MARCHF1: variants seen among roughly 807,000 people sequenced by gnomAD.
MARCHF1 encodes the protein E3 ubiquitin-protein ligase MARCHF1.
In MARCHF1, 40 loss-of-function variants were observed where a neutral mutation model predicts 54.2. The observed-to-expected ratio is 0.74, with a 90% CI of 0.57 to 0.96. The LOEUF is 0.96. Among genes scored for constraint, MARCHF1 ranks in the 40% least tolerant of loss-of-function variants. MARCHF1 has a pLI of 0.00. For missense variants in MARCHF1, 586 were observed against 656.5 expected (o/e 0.89, Z 1.17); for synonymous variants, 236 against 236.3 (o/e 1.00, Z 0.01).
At chr4:163,547,851 G>A (rs1169872546) in intron 8 of MARCHF1, among the ~76,000 whole-genome samples, 1 of 152,128 alleles carries the variant, frequency 6.6e-6, no homozygotes, top group Non-Finnish European at 1.5e-5. Flanking sequence ...CAATCATCAT[G>A]TAATTTTCCT....
chr4:164,218,751 A>G (rs1306241368), intron 1 of MARCHF1, among the ~76,000 whole-genome samples: 1 of 151,428 alleles, frequency 6.6e-6, no homozygotes, highest in Non-Finnish European at 1.5e-5. Context: ...CTAATGTTAA[A>G]TGACGAGTTA....
At chr4:163,769,928 T>A (rs1036184209) in intron 4 of MARCHF1, among the ~76,000 whole-genome samples, 13 of 152,248 alleles carry the variant, frequency 8.5e-5, no homozygotes, top group African/African-American at 2.9e-4. Flanking sequence ...ACCCCTGAGA[T>A]AGCAAGACTA....
Position 163,823,691 on chromosome 4 carries a change from C to T in MARCHF1, c.111+30330G>A, listed in dbSNP as rs144716017. 5.2e-3 allele frequency among the ~76,000 whole-genome samples: 792 copies of T among 151,780 alleles called. 12 individuals are homozygous for T. The highest frequency in any genetic ancestry group is 0.018 in the African/African-American group (755 of 41,458). ...TTCACCCATTTTATCACTATCATTGCTAAAGCATAAACATTTACAAAGTAG... is the reference window on the plus strand; with the variant it reads ...TTCACCCATTTTATCACTATCATTGTTAAAGCATAAACATTTACAAAGTAG... On this transcript the variant is annotated intron_variant, in intron 4 of 9. Coordinates refer to ENST00000514618, the MANE Select transcript of MARCHF1 (RefSeq NM_001394959.1).
At chr4:164,378,315 T>C (rs1010999734) in intron 1 of MARCHF1, among the ~76,000 whole-genome samples, 1 of 152,174 alleles carries the variant, frequency 6.6e-6, no homozygotes, top group Admixed American at 6.5e-5. Context: ...AAATTAGCTA[T>C]GAGGGGCCAA....
chr4:163,742,761 C>T (rs1013609610), intron 4 of MARCHF1, among the ~76,000 whole-genome samples: 54 of 152,146 alleles, frequency 3.5e-4, no homozygotes, highest in African/African-American at 1.3e-3. Flanking sequence ...TATGGGTACG[C>T]CCAGTACTGG....
chr4:163,894,570 TATGCATGTG>T (rs1560807557), intron 3 of MARCHF1, among the ~76,000 whole-genome samples: 4 of 144,740 alleles, frequency 2.8e-5, no homozygotes, highest in African/African-American at 1.0e-4. Context: ...CATATATATA[TATGCATGTG>T]ATGCATATAT....
chr4:164,025,516 A>C (rs1181645273), intron 2 of MARCHF1, among the ~76,000 whole-genome samples: 1 of 152,136 alleles, frequency 6.6e-6, no homozygotes, highest in Non-Finnish European at 1.5e-5. Flanking sequence ...ATTAAGGCCA[A>C]AAAATTATTA....
intron 1 of MARCHF1, among the ~76,000 whole-genome samples, chr4:164,276,870 T>G (rs1733895447): frequency 1.1e-5 from 1 of 92,906 alleles, no homozygotes; most frequent in Non-Finnish European, 3.0e-5. Flanking sequence ...GTTTATATAT[T>G]ACATACATAT....
At chr4:164,123,116 T>C (rs992875859) in intron 1 of MARCHF1, among the ~76,000 whole-genome samples, 4 of 152,134 alleles carry the variant, frequency 2.6e-5, no homozygotes, top group Admixed American at 1.3e-4. Context: ...ATTAAAGTTG[T>C]AGGATACAAA....
chr4:163,721,654 G>C (rs1368161353), intron 4 of MARCHF1, among the ~76,000 whole-genome samples: 2 of 152,160 alleles, frequency 1.3e-5, no homozygotes, highest in Non-Finnish European at 2.9e-5. Context: ...AAATCCATCT[G>C]GTCCTGGACT....
chr4:164,259,171 C>T (rs1579668315), intron 1 of MARCHF1, among the ~76,000 whole-genome samples: 1 of 152,120 alleles, frequency 6.6e-6, no homozygotes, highest in Non-Finnish European at 1.5e-5. Flanking sequence ...GCAGATCATA[C>T]TCCTCCGAAA....
intron 1 of MARCHF1, among the ~76,000 whole-genome samples, chr4:164,124,978 G>A (rs1280428750): frequency 3.9e-5 from 6 of 152,012 alleles, no homozygotes; most frequent in Admixed American, 1.3e-4. Flanking sequence ...TGAGGGGATG[G>A]AGACCCCATT....
At chr4:163,728,056 T>G (rs72993179) in intron 4 of MARCHF1, among the ~76,000 whole-genome samples, 6,966 of 152,208 alleles carry the variant, frequency 0.046, 502 homozygotes, top group East Asian at 0.29. Context: ...TTCTGGGCTC[T>G]CTGTTCTGTT....
intron 3 of MARCHF1, among the ~76,000 whole-genome samples, chr4:163,896,642 T>C (rs1194982726): frequency 2.6e-5 from 4 of 152,212 alleles, no homozygotes; most frequent in Admixed American, 1.3e-4. Context: ...GTTTGAAACA[T>C]AGTTGGCAGA....
At chr4:163,810,641 A>G (rs1024813386) in intron 4 of MARCHF1, among the ~76,000 whole-genome samples, 1 of 152,218 alleles carries the variant, frequency 6.6e-6, no homozygotes, top group Non-Finnish European at 1.5e-5. Context: ...CCTCATCCTA[A>G]AAACAATCAT....
At chr4:163,944,821 A>T (rs531663025) in intron 3 of MARCHF1, among the ~76,000 whole-genome samples, 2 of 152,336 alleles carry the variant, frequency 1.3e-5, no homozygotes, top group African/African-American at 4.8e-5. Flanking sequence ...ATGTCCACAG[A>T]TATCCATGAC....
At chr4:164,270,010 T>C (rs1441814865) in intron 1 of MARCHF1, among the ~76,000 whole-genome samples, 2 of 152,188 alleles carry the variant, frequency 1.3e-5, no homozygotes, top group African/African-American at 4.8e-5. Flanking sequence ...TATGCCACCT[T>C]TCTTACTGTA....
intron 3 of MARCHF1, among the ~76,000 whole-genome samples, chr4:163,978,410 A>G (rs1371021945): frequency 6.6e-6 from 1 of 152,180 alleles, no homozygotes; most frequent in Non-Finnish European, 1.5e-5. Flanking sequence ...TTTGTTTATC[A>G]AGCACTTAAT....
chr4:164,023,003 C>T (rs1443890872), intron 2 of MARCHF1, among the ~76,000 whole-genome samples: 1 of 152,168 alleles, frequency 6.6e-6, no homozygotes, highest in Non-Finnish European at 1.5e-5. Flanking sequence ...AGAGGTGTGG[C>T]CTGGTTCCAG....
Sources: gnomAD v4.1 joint callset for allele counts (sites outside exome capture counted in the v4.1 genomes callset) on GRCh38, gnomAD v4.1.1 for gene constraint, MANE v1.5 for transcripts, NCBI Gene and HGNC (gene_info 2026-07-23, HGNC 2026-07-21) for gene names.